The following DLGAP2 variants were observed in gnomAD, a reference collection of about 807,000 sequenced individuals.
DLGAP2 encodes DLG associated protein 2, also known as disks large-associated protein 2.
In DLGAP2, 26 loss-of-function variants were observed where a neutral mutation model predicts 100.3. The observed-to-expected ratio is 0.26, with a 90% CI of 0.19 to 0.36. DLGAP2 has a LOEUF of 0.36. Ranked by LOEUF, DLGAP2 falls within the 10% of genes least tolerant of loss-of-function variation. DLGAP2 has a pLI of 1.00. For missense variants in DLGAP2, 1,858 were observed against 1,453.2 expected (o/e 1.28, Z -4.53); for synonymous variants, 886 against 630.1 (o/e 1.41, Z -6.08).
At chr8:1,434,168 A>G (rs957304041) in intron 3 of DLGAP2, among the ~76,000 whole-genome samples, 5 of 152,088 alleles carry the variant, frequency 3.3e-5, no homozygotes, top group Non-Finnish European at 7.4e-5. Flanking sequence ...TATGACCGTC[A>G]GCAGCTCAGC....
intron 2 of DLGAP2, among the ~76,000 whole-genome samples, chr8:1,218,659 A>G (rs1264128102): frequency 6.6e-6 from 1 of 152,066 alleles, no homozygotes; most frequent in South Asian, 2.1e-4. Flanking sequence ...AGTTCTAATT[A>G]TATGGAAAAT....
At chr8:1,520,069 C>A (rs758104519) in intron 4 of DLGAP2, among the ~76,000 whole-genome samples, 1 of 152,220 alleles carries the variant, frequency 6.6e-6, no homozygotes, top group Non-Finnish European at 1.5e-5. Flanking sequence ...TGAGAGCTCT[C>A]TCTGCCCCTG....
At chr8:1,445,074 C>T (rs1325793943) in intron 3 of DLGAP2, among the ~76,000 whole-genome samples, 1 of 56,312 alleles carries the variant, frequency 1.8e-5, no homozygotes, top group African/African-American at 7.9e-5. Context: ...CCAGCCAGAT[C>T]ATTCTTTTTT....
At position 918,772 on chromosome 8, in the gene DLGAP2, A is replaced by G. The variant is rs572805748; in HGVS notation, c.73+10806A>G. Among the ~76,000 whole-genome samples, 16 of 152,372 alleles carry G rather than the reference A, an allele frequency of 1.1e-4. No individual in the cohort carries two copies. In the South Asian group the frequency reaches 2.1e-3, roughly 20 times the overall value. On this transcript the variant is annotated intron_variant, in intron 2 of 14. Transcript: ENST00000637795. The stretch of plus-strand genomic sequence containing the variant: ...TTTTTAGACATAGAGGCACGTAGAC[A>G]TATACGGGTAAGACAAACTAGCTTG...
chr8:1,013,034 C>T (rs188932394), intron 2 of DLGAP2, among the ~76,000 whole-genome samples: 311 of 152,276 alleles, frequency 2.0e-3, no homozygotes, highest in Non-Finnish European at 1.0e-3. Context: ...CTTCTTCCTG[C>T]AGCTCACAGA....
At chr8:827,191 A>C (rs1366483355) in intron 1 of DLGAP2, among the ~76,000 whole-genome samples, 1 of 152,228 alleles carries the variant, frequency 6.6e-6, no homozygotes, top group Non-Finnish European at 1.5e-5. Context: ...CATCCAGACC[A>C]AAATGCTGAA....
At chr8:1,129,669 G>A (rs983783452) in intron 2 of DLGAP2, among the ~76,000 whole-genome samples, 1 of 152,160 alleles carries the variant, frequency 6.6e-6, no homozygotes, top group Non-Finnish European at 1.5e-5. Context: ...TAGTTTTCTT[G>A]TAACTGTGGA....
At chr8:1,486,568 G>C (rs1054769821) in intron 3 of DLGAP2, among the ~76,000 whole-genome samples, 1 of 152,200 alleles carries the variant, frequency 6.6e-6, no homozygotes, top group Non-Finnish European at 1.5e-5. Context: ...GGTTTCCTTA[G>C]GAACAGTTCA....
At chr8:1,460,611 T>C (rs1798446742) in intron 3 of DLGAP2, among the ~76,000 whole-genome samples, 1 of 152,218 alleles carries the variant, frequency 6.6e-6, no homozygotes, top group Non-Finnish European at 1.5e-5. Context: ...GATAGAATTG[T>C]AAAATTTGAT....
intron 2 of DLGAP2, among the ~76,000 whole-genome samples, chr8:1,223,954 C>T (rs1585166484): frequency 6.6e-6 from 1 of 152,322 alleles, no homozygotes; most frequent in Admixed American, 6.5e-5. Context: ...GATATTTTCT[C>T]AACCTTAATT....
chr8:1,314,865 G>C (rs1312149703), intron 3 of DLGAP2, among the ~76,000 whole-genome samples: 3 of 152,198 alleles, frequency 2.0e-5, no homozygotes, highest in African/African-American at 7.2e-5. Flanking sequence ...GAATTTCCAT[G>C]GGTAAATCCT....
At chr8:756,087 G>A (rs1449325291) in intron 1 of DLGAP2, among the ~76,000 whole-genome samples, 3 of 152,284 alleles carry the variant, frequency 2.0e-5, no homozygotes, top group East Asian at 1.9e-4. Flanking sequence ...TCATGTTAGC[G>A]GCTTTTTTTG....
chr8:1,152,297 T>C (rs1796710391), intron 2 of DLGAP2, among the ~76,000 whole-genome samples: 1 of 152,234 alleles, frequency 6.6e-6, no homozygotes, highest in African/African-American at 2.4e-5. Flanking sequence ...ATTTTGCAAA[T>C]GCCATTTTTA....
At chr8:780,335 A>G (rs1478616117) in intron 1 of DLGAP2, among the ~76,000 whole-genome samples, 1 of 152,174 alleles carries the variant, frequency 6.6e-6, no homozygotes, top group Admixed American at 6.5e-5. Context: ...TTTTTCTTTT[A>G]AAGCCAACTG....
At chr8:1,571,127 A>G (rs1388642186) in intron 6 of DLGAP2, among the ~76,000 whole-genome samples, 303 of 50,686 alleles carry the variant, frequency 6.0e-3, no homozygotes, top group Admixed American at 6.4e-3. Context: ...GGAGAGGAGA[A>G]AGGGGTGAAC....
chr8:1,559,414 T>C lies in DLGAP2; in HGVS notation c.1231-6269T>C, dbSNP rs116625728. Among the ~76,000 whole-genome samples, 1,008 of 152,274 alleles carry C rather than the reference T, an allele frequency of 6.6e-3. 14 individuals are homozygous for C. The highest frequency in any genetic ancestry group is 0.023 in the African/African-American group (962 of 41,550). ...AGGCAGGCTGGCATTTTAGTATTGC[T>C]CTTCTGTTCTTTTGATAGTCTCCAG... On this transcript the variant is annotated intron_variant, in intron 5 of 14. Coordinates refer to ENST00000637795, the MANE Select transcript of DLGAP2 (RefSeq NM_001346810.2).
chr8:1,410,161 G>C (rs1796687188), intron 3 of DLGAP2, among the ~76,000 whole-genome samples: 1 of 152,128 alleles, frequency 6.6e-6, no homozygotes, highest in African/African-American at 2.4e-5. Context: ...ACATGCCCTC[G>C]ATCTGCTGAG....
intron 2 of DLGAP2, among the ~76,000 whole-genome samples, chr8:1,039,954 TCAGCTCG>T: frequency 3.4e-5 from 5 of 148,416 alleles, no homozygotes; most frequent in African/African-American, 1.3e-4. Context: ...GTTTCCGTGG[TCAGCTCG>T]GTGTGCGTGG....
chr8:1,204,890 G>T (rs546015949), intron 2 of DLGAP2, among the ~76,000 whole-genome samples: 1 of 152,208 alleles, frequency 6.6e-6, no homozygotes, highest in East Asian at 1.9e-4. Flanking sequence ...GCCTGGACTT[G>T]GTCCCAGAGC....
Sources: allele counts gnomAD v4.1 joint callset (sites outside exome capture counted in the v4.1 genomes callset), GRCh38; gene constraint gnomAD v4.1.1; transcripts MANE v1.5; gene names NCBI Gene and HGNC (gene_info 2026-07-23, HGNC 2026-07-21).